The following DMD variants were observed in gnomAD, a reference collection of about 807,000 sequenced individuals.
The protein encoded by DMD is dystrophin.
A neutral mutation model predicts 330.1 loss-of-function variants in DMD; 63 were observed. The observed-to-expected ratio is 0.19, with a 90% CI of 0.16 to 0.24. The LOEUF is 0.24. Among genes scored for constraint, DMD ranks in the 10% least tolerant of loss-of-function variants. The pLI is 1.00. For synonymous variants in DMD, 1,223 were observed against 959.8 expected (o/e 1.27, Z -5.07); for missense variants, 3,344 against 2,684.1 (o/e 1.25, Z -5.43).
At chrX:33,061,683 G>T (rs892122716) in intron 1 of DMD, among the ~76,000 whole-genome samples, 14 of 111,405 alleles carry the variant, frequency 1.3e-4, no homozygotes, top group African/African-American at 4.6e-4. Flanking sequence ...CAAATCAAAG[G>T]TGGCTGACAC....
chrX:33,181,276 A>C, intron 1 of DMD, among the ~76,000 whole-genome samples: 1 of 111,818 alleles, frequency 8.9e-6, no homozygotes. Flanking sequence ...TGAATGAACA[A>C]AGACATTTAA....
chrX:32,143,919 G>A (rs2096766271), intron 44 of DMD, among the ~76,000 whole-genome samples: 1 of 109,899 alleles, frequency 9.1e-6, no homozygotes, highest in East Asian at 2.8e-4. Flanking sequence ...TGGTCACTGT[G>A]TATAACTAAA....
chrX:32,392,446 G>A (rs762940781), intron 30 of DMD, among the ~76,000 whole-genome samples: 17 of 110,514 alleles, frequency 1.5e-4, no homozygotes, highest in African/African-American at 2.0e-4. Flanking sequence ...TTTTAGTAGC[G>A]ACAGGGTTTT....
At position 31,255,042 on chromosome X, in the gene DMD, C is replaced by CAA. The variant is rs200072850; in HGVS notation, c.9286+5911_9286+5912dup. 9.0e-3 allele frequency among the ~76,000 whole-genome samples: 423 copies of CAA among 46,748 alleles called. 5 individuals carry two copies. The highest frequency in any genetic ancestry group is 0.028 in the African/African-American group (350 of 12,641). The allele number at this position is 46,748 out of a possible 115,157, so 40.6% of individuals were successfully genotyped here. A position where few individuals can be genotyped will look rare whatever the true frequency, so the allele number is the denominator to read the frequency against. On this transcript the variant is annotated intron_variant, in intron 63 of 78. Coordinates refer to ENST00000357033, the MANE Select transcript of DMD (RefSeq NM_004006.3). ...TCTATGTGACAGAGCAAGATGCTGT[C>CAA]AAAAAAAAAAAAAAAAACCCCAATA...
At chrX:32,176,576 GTA>G (rs1465797944) in intron 44 of DMD, among the ~76,000 whole-genome samples, 1 of 111,646 alleles carries the variant, frequency 9.0e-6, no homozygotes, top group Non-Finnish European at 1.9e-5. Flanking sequence ...ATTCATATCA[GTA>G]AAGTGGGGAC....
chrX:31,323,058 G>T (rs2056538642), intron 62 of DMD, among the ~76,000 whole-genome samples: 1 of 111,777 alleles, frequency 8.9e-6, no homozygotes, highest in Non-Finnish European at 1.9e-5. Context: ...TGGCACAAAT[G>T]TTTCCAGAAA....
At chrX:33,155,939 A>G (rs1431650411) in intron 1 of DMD, among the ~76,000 whole-genome samples, 2 of 111,924 alleles carry the variant, frequency 1.8e-5, no homozygotes, top group Admixed American at 1.9e-4. Flanking sequence ...AAAAATAAAT[A>G]AATGAATAAG....
intron 16 of DMD, among the ~76,000 whole-genome samples, chrX:32,553,172 C>T (rs181389627): frequency 3.7e-4 from 41 of 111,867 alleles, no homozygotes; most frequent in Non-Finnish European, 6.8e-4. Flanking sequence ...AGCCTAAATG[C>T]CCATCAGTGG....
intron 2 of DMD, among the ~76,000 whole-genome samples, chrX:32,949,777 C>T (rs1434047289): frequency 9.0e-6 from 1 of 110,864 alleles, no homozygotes; most frequent in Admixed American, 9.7e-5. Context: ...GTATTAGTCG[C>T]CCAAACAGTT....
At chrX:32,983,601 T>A (rs755376200) in intron 2 of DMD, among the ~76,000 whole-genome samples, 5 of 103,533 alleles carry the variant, frequency 4.8e-5, no homozygotes, top group Admixed American at 2.1e-4. Flanking sequence ...AGAAACTGAA[T>A]AAAATTGCTG....
chrX:31,674,018 G>T (rs2081952273), intron 53 of DMD, among the ~76,000 whole-genome samples: 2 of 111,898 alleles, frequency 1.8e-5, no homozygotes, highest in Non-Finnish European at 3.8e-5. Context: ...TGAAGAAATG[G>T]TAGGTCCTGG....
chrX:32,284,130 C>G (rs970463994), intron 43 of DMD, among the ~76,000 whole-genome samples: 1 of 111,480 alleles, frequency 9.0e-6, no homozygotes, highest in Non-Finnish European at 1.9e-5. Flanking sequence ...ATTGTTAAAC[C>G]TAGCTCTCAG....
chrX:32,870,974 A>AAAAC (rs2082923061), intron 2 of DMD, among the ~76,000 whole-genome samples: 1 of 78,178 alleles, frequency 1.3e-5, no homozygotes, highest in African/African-American at 4.5e-5. Flanking sequence ...AAAAAAAAAA[A>AAAAC]AAAAAAAAAA....
At chrX:32,177,348 C>A (rs887489018) in intron 44 of DMD, among the ~76,000 whole-genome samples, 1 of 111,820 alleles carries the variant, frequency 8.9e-6, no homozygotes, top group Non-Finnish European at 1.9e-5. Context: ...ACCCGAAGGA[C>A]CCTCCAGGTT....
At position 31,212,976 on chromosome X, in the gene DMD, T is replaced by C. The variant is rs1015411927; in HGVS notation, c.9362-3277A>G. On this transcript the variant is annotated intron_variant, in intron 64 of 78. Coordinates refer to ENST00000357033, the MANE Select transcript of DMD (RefSeq NM_004006.3). ...CCTATAGGTCAATCTGTATATTCTA[T>C]GTTGATGTATAAATAATTCTGTGAT... Among the ~76,000 whole-genome samples, 4 of 112,610 alleles carry C rather than the reference T, an allele frequency of 3.6e-5. No individual in the cohort carries two copies. The Admixed American group carries it at 3.7e-4, about 10-fold the overall frequency.
In DMD at chrX:31,396,138, T is replaced by A. The variant is rs924522816; in HGVS notation, c.9085-47504A>T. On this transcript the variant is annotated intron_variant, in intron 60 of 78. Coordinates refer to ENST00000357033, the MANE Select transcript of DMD (RefSeq NM_004006.3). ...GGCCCTTAGCTTCCAAAGATGACAATTTTTTTTTTTTTTTTTTGAGACGGA... is the reference window on the plus strand; with the variant it reads ...GGCCCTTAGCTTCCAAAGATGACAAATTTTTTTTTTTTTTTTTGAGACGGA... 1.2e-4 allele frequency among the ~76,000 whole-genome samples: 4 copies of A among 34,160 alleles called. No homozygotes were observed. The South Asian group carries it at 6.3e-3, about 54-fold the overall frequency. The allele number at this position is 34,160 out of a possible 115,157, so 29.7% of individuals were successfully genotyped here.
chrX:33,308,708 T>A (rs750159441), intron 1 of DMD, among the ~76,000 whole-genome samples: 2 of 111,374 alleles, frequency 1.8e-5, no homozygotes, highest in Non-Finnish European at 3.8e-5. Context: ...CTTAGGAAAT[T>A]AGTTAAAATT....
intron 1 of DMD, among the ~76,000 whole-genome samples, chrX:33,103,580 C>T (rs187114461): frequency 2.0e-4 from 22 of 110,079 alleles, no homozygotes; most frequent in African/African-American, 6.9e-4. Context: ...CTTTACCTAC[C>T]GAAAGCTTAT....
intron 55 of DMD, among the ~76,000 whole-genome samples, chrX:31,599,732 T>A (rs894742643): frequency 8.9e-6 from 1 of 112,099 alleles, no homozygotes; most frequent in Non-Finnish European, 1.9e-5. Flanking sequence ...TTGCAGATGA[T>A]TTGATTCTGC....
Sources: gnomAD v4.1 joint callset for allele counts (sites outside exome capture counted in the v4.1 genomes callset) on GRCh38, gnomAD v4.1.1 for gene constraint, MANE v1.5 for transcripts, NCBI Gene and HGNC (gene_info 2026-07-23, HGNC 2026-07-21) for gene names.